Variants in CDH13 observed in about 807,000 individuals in gnomAD.
CDH13 encodes cadherin-13.
Under a neutral mutation model 63.8 loss-of-function variants are expected in CDH13, and 24 were observed. The observed-to-expected ratio is 0.38, with a 90% confidence interval of 0.27 to 0.53. The LOEUF (loss-of-function observed/expected upper bound fraction) is 0.53. Ranked by LOEUF, CDH13 falls within the 20% of genes least tolerant of loss-of-function variation. CDH13 has a pLI of 0.85. For synonymous variants in CDH13, 503 were observed against 355.3 expected (o/e 1.42, Z -4.67); for missense variants, 1,049 against 903.1 (o/e 1.16, Z -2.07).
chr16:82,745,302 T>G (rs374205500), intron 1 of CDH13, among the ~76,000 whole-genome samples: 1 of 152,290 alleles, frequency 6.6e-6, no homozygotes, highest in South Asian at 2.1e-4. Flanking sequence ...AATGCATTAT[T>G]AAAGATACAA....
intron 6 of CDH13, among the ~76,000 whole-genome samples, chr16:83,372,475 C>T (rs896243101): frequency 2.6e-5 from 4 of 152,004 alleles, no homozygotes; most frequent in Non-Finnish European, 4.4e-5. Context: ...GAGAAAGGGT[C>T]GGGTGCGGTG....
chr16:83,698,854 G>A (rs1047776829), intron 10 of CDH13, among the ~76,000 whole-genome samples: 13 of 152,332 alleles, frequency 8.5e-5, no homozygotes, highest in African/African-American at 2.2e-4. Context: ...CTCGACCATC[G>A]TAATCCAAAA....
chr16:82,709,860 A>G lies in CDH13; in HGVS notation c.45+82723A>G, dbSNP rs113528970. On this transcript the variant is annotated intron_variant, in intron 1 of 13. Coordinates refer to ENST00000567109, the MANE Select transcript of CDH13 (RefSeq NM_001257.5). ...AGACAGATTTCAGATCAACAAAGAA[A>G]GGCAAAACAGATAGAGCTGTCCAAA... Among the ~76,000 whole-genome samples, 962 of 152,240 alleles carry G rather than the reference A, an allele frequency of 6.3e-3. 7 individuals are homozygous for G. Among genetic ancestry groups the G allele is most frequent in the African/African-American group, 0.022 (920 of 41,542 alleles).
chr16:83,631,006 C>T (rs1049359781), intron 8 of CDH13, among the ~76,000 whole-genome samples: 2 of 152,058 alleles, frequency 1.3e-5, no homozygotes, highest in African/African-American at 4.8e-5. Flanking sequence ...AGTAAGGGGG[C>T]CATTGTGATG....
rs750432481 is a variant in CDH13 at position 83,447,096 on chromosome 16, C to CTTTTTTTTTTTTTTT, written c.782-39365_782-39351dup. Among the ~76,000 whole-genome samples the CTTTTTTTTTTTTTTT allele has an allele frequency of 3.9e-3, 160 of 41,498 alleles. 30 individuals are homozygous for CTTTTTTTTTTTTTTT. The highest frequency in any genetic ancestry group is 4.4e-3 in the Non-Finnish European group (92 of 21,102). The allele number at this position is 41,498 out of a possible 152,430, so 27.2% of individuals were successfully genotyped here. ...AAAACAAAAAACACCTTATAGTAAC[C>CTTTTTTTTTTTTTTT]TTTTTTTTTTTTTTTTTTTTTTTTT... On this transcript the variant is annotated intron_variant, in intron 6 of 13. Transcript: ENST00000567109.
At chr16:83,277,455 A>G (rs893092744) in intron 5 of CDH13, among the ~76,000 whole-genome samples, 2 of 152,294 alleles carry the variant, frequency 1.3e-5, no homozygotes, top group African/African-American at 4.8e-5. Context: ...GGTACAATTC[A>G]GTTTGGGAAT....
intron 1 of CDH13, among the ~76,000 whole-genome samples, chr16:82,856,410 GAAAAA>G (rs2039695186): frequency 1.9e-5 from 2 of 107,932 alleles, no homozygotes; most frequent in Non-Finnish European, 4.3e-5. Flanking sequence ...GAAAAGAAAA[GAAAAA>G]TACTAGCTGG....
intron 1 of CDH13, among the ~76,000 whole-genome samples, chr16:82,666,400 C>T (rs903158356): frequency 6.6e-6 from 1 of 152,310 alleles, no homozygotes; most frequent in East Asian, 1.9e-4. Context: ...ACCATCAGCC[C>T]TCCCTCTCCA....
At chr16:83,249,857 C>G (rs918967924) in intron 5 of CDH13, among the ~76,000 whole-genome samples, 2 of 152,120 alleles carry the variant, frequency 1.3e-5, no homozygotes, top group African/African-American at 4.8e-5. Context: ...TAAGACAGGC[C>G]CAGTTTTCTG....
intron 7 of CDH13, among the ~76,000 whole-genome samples, chr16:83,577,159 G>C (rs894720166): frequency 5.3e-5 from 8 of 152,162 alleles, no homozygotes; most frequent in African/African-American, 1.9e-4. Context: ...CAAGCATCAG[G>C]TCACATGGTG....
intron 4 of CDH13, among the ~76,000 whole-genome samples, chr16:83,177,086 T>G (rs1159302976): frequency 6.6e-6 from 1 of 152,162 alleles, no homozygotes; most frequent in Non-Finnish European, 1.5e-5. Context: ...GCTGAGGACT[T>G]GAGATGTGGC....
In CDH13 at chr16:83,037,822, C is replaced by T. The variant is rs145621705; in HGVS notation, c.366+5604C>T. ...TGACTTGGGCAAGTGACTCAATTAT[C>T]TGAATCCCAATATCCTCATCTATCA... On this transcript the variant is annotated intron_variant, in intron 3 of 13. Transcript: ENST00000567109. 3.9e-5 allele frequency among the ~76,000 whole-genome samples: 6 copies of T among 152,266 alleles called. No homozygotes were observed. In the East Asian group the frequency reaches 1.2e-3, roughly 29 times the overall value.
At chr16:83,406,929 A>C (rs115414442) in intron 6 of CDH13, among the ~76,000 whole-genome samples, 1 of 152,218 alleles carries the variant, frequency 6.6e-6, no homozygotes, top group Admixed American at 6.5e-5. Context: ...CATAGCTACT[A>C]TTGTTAAAAT....
intron 8 of CDH13, among the ~76,000 whole-genome samples, chr16:83,609,199 G>C (rs1289417890): frequency 6.6e-6 from 1 of 152,130 alleles, no homozygotes; most frequent in Non-Finnish European, 1.5e-5. Context: ...TTTGAATGCG[G>C]CCCAACACAA....
At chr16:83,606,664 C>G (rs536893058) in intron 8 of CDH13, among the ~76,000 whole-genome samples, 2 of 149,216 alleles carry the variant, frequency 1.3e-5, no homozygotes, top group East Asian at 4.0e-4. Flanking sequence ...AAGGTCAAGA[C>G]AGCAGTGAGT....
intron 3 of CDH13, among the ~76,000 whole-genome samples, chr16:83,116,299 C>A (rs995940048): frequency 6.6e-6 from 1 of 151,838 alleles, no homozygotes; most frequent in African/African-American, 2.4e-5. Context: ...CCATACCTCA[C>A]GGGGAGGGAG....
intron 2 of CDH13, among the ~76,000 whole-genome samples, chr16:83,001,915 T>A (rs1262809557): frequency 1.3e-5 from 2 of 152,126 alleles, no homozygotes; most frequent in African/African-American, 4.8e-5. Context: ...GCTGTACACC[T>A]CAGGAACATC....
intron 10 of CDH13, among the ~76,000 whole-genome samples, chr16:83,723,125 A>AATC (rs1228142295): frequency 6.6e-6 from 1 of 152,262 alleles, no homozygotes; most frequent in African/African-American, 2.4e-5. Flanking sequence ...CAAGGTGATC[A>AATC]ATCTTCCTGC....
At chr16:82,693,761 G>C (rs2029920572) in intron 1 of CDH13, among the ~76,000 whole-genome samples, 1 of 152,190 alleles carries the variant, frequency 6.6e-6, no homozygotes, top group African/African-American at 2.4e-5. Context: ...ATATTTCATG[G>C]AATGATAGGA....
Sources: allele counts gnomAD v4.1 joint callset (sites outside exome capture counted in the v4.1 genomes callset), GRCh38; gene constraint gnomAD v4.1.1; transcripts MANE v1.5; gene names NCBI Gene and HGNC (gene_info 2026-07-23, HGNC 2026-07-21).